Variants in TCF12 observed in about 807,000 individuals in gnomAD.
The protein encoded by TCF12 is DNA-binding protein HTF4.
A neutral mutation model predicts 86.0 loss-of-function variants in TCF12; 45 were observed. The ratio of observed to expected loss-of-function variants is 0.52; its 90% CI spans 0.41 to 0.67. The LOEUF (loss-of-function observed/expected upper bound fraction) is 0.67, where lower values mean the gene tolerates loss of function less well. TCF12 is among the 30% of genes least tolerant of loss of function. The probability of loss-of-function intolerance (pLI) is 0.00; values close to 1 mark genes in which losing one functional copy is unlikely to be tolerated. For synonymous variants in TCF12, 330 were observed against 299.6 expected, an observed-to-expected ratio of 1.10 and a Z score of -1.05; for missense variants, 881 against 859.9, an observed-to-expected ratio of 1.02 and a Z score of -0.31.
At chr15:57,029,808 G>GT (rs55860140) in intron 3 of TCF12, among the ~76,000 whole-genome samples, 66,127 of 151,938 alleles carry the variant, frequency 0.44, 14,639 homozygotes, top group East Asian at 0.59. Flanking sequence ...TGGAGACTGC[G>GT]TATAAATGTA....
At chr15:57,084,117 G>A (rs2048478923) in intron 4 of TCF12, among the ~76,000 whole-genome samples, 1 of 151,992 alleles carries the variant, frequency 6.6e-6, no homozygotes, top group Non-Finnish European at 1.5e-5. Flanking sequence ...TGTACCTTAT[G>A]TTTGATTTAT....
chr15:56,978,001 A>T (rs1228268039), intron 3 of TCF12, among the ~76,000 whole-genome samples: 8 of 152,304 alleles, frequency 5.3e-5, no homozygotes, highest in African/African-American at 1.7e-4. Context: ...CACAATAATT[A>T]AAAAAATTAA....
chr15:57,239,243 C>T (rs1306104173), intron 12 of TCF12, among the ~76,000 whole-genome samples: 2 of 151,906 alleles, frequency 1.3e-5, no homozygotes, highest in African/African-American at 4.8e-5. Flanking sequence ...CCCAGCTAGT[C>T]GGGAGGCTGG....
At chr15:57,231,861 A>C (rs1176875806) in intron 9 of TCF12, among the ~76,000 whole-genome samples, 1 of 152,226 alleles carries the variant, frequency 6.6e-6, no homozygotes, top group Non-Finnish European at 1.5e-5. Context: ...ATTATCAATT[A>C]CTTAGTTTTA....
chr15:57,180,230 C>A (rs1168110277), intron 6 of TCF12, among the ~76,000 whole-genome samples: 3 of 152,160 alleles, frequency 2.0e-5, no homozygotes, highest in African/African-American at 7.2e-5. Context: ...GAGTTGCCCT[C>A]ACCCTTCGAT....
intron 3 of TCF12, among the ~76,000 whole-genome samples, chr15:56,969,949 T>G (rs2062205903): frequency 6.6e-6 from 1 of 152,176 alleles, no homozygotes; most frequent in South Asian, 2.1e-4. Flanking sequence ...GCAACCTAAT[T>G]AATGGTGGCT....
At chr15:56,923,634 G>A (rs1428434923) in intron 3 of TCF12, among the ~76,000 whole-genome samples, 1 of 152,132 alleles carries the variant, frequency 6.6e-6, no homozygotes, top group African/African-American at 2.4e-5. Context: ...TAAAAGGATT[G>A]ACAAAATGGA....
intron 5 of TCF12, among the ~76,000 whole-genome samples, chr15:57,113,377 G>C (rs1178016775): frequency 6.6e-6 from 1 of 152,098 alleles, no homozygotes; most frequent in Admixed American, 6.5e-5. Context: ...AGACATTTGT[G>C]TACACCTCTC....
chr15:57,131,841 A>T (rs188684908), intron 5 of TCF12, among the ~76,000 whole-genome samples: 79 of 152,356 alleles, frequency 5.2e-4, no homozygotes, highest in South Asian at 2.1e-3. Context: ...AAATAGTAAG[A>T]ACCTGAAGTA....
chr15:57,163,080 A>G (rs1262809864), intron 5 of TCF12, among the ~76,000 whole-genome samples: 2 of 152,112 alleles, frequency 1.3e-5, no homozygotes, highest in East Asian at 3.9e-4. Context: ...AGGCTGAGGC[A>G]GGAGAATCAC....
intron 3 of TCF12, among the ~76,000 whole-genome samples, chr15:56,926,044 G>A (rs1412889990): frequency 6.6e-6 from 1 of 152,198 alleles, no homozygotes; most frequent in East Asian, 1.9e-4. Context: ...TGGCGTGGTG[G>A]CTCACGCCTG....
intron 8 of TCF12, among the ~76,000 whole-genome samples, chr15:57,215,012 G>A (rs116313931): frequency 3.3e-5 from 5 of 152,122 alleles, no homozygotes; most frequent in Admixed American, 2.0e-4. Context: ...CTAGTGGATT[G>A]GTTTGAAAAT....
intron 19 of TCF12, among the ~76,000 whole-genome samples, chr15:57,277,731 G>T (rs1268014401): frequency 6.6e-6 from 1 of 151,736 alleles, no homozygotes; most frequent in African/African-American, 2.4e-5. Context: ...GAGCCCAGGA[G>T]ATGACTTGAG....
intron 19 of TCF12, among the ~76,000 whole-genome samples, chr15:57,275,354 G>GTA (rs2061345966): frequency 6.6e-6 from 1 of 150,978 alleles, no homozygotes; most frequent in African/African-American, 2.4e-5. Context: ...GTGTGTGTGT[G>GTA]TGTGTGTGTA....
intron 3 of TCF12, among the ~76,000 whole-genome samples, chr15:56,939,555 A>G (rs1385785195): frequency 6.6e-6 from 1 of 152,232 alleles, no homozygotes; most frequent in Non-Finnish European, 1.5e-5. Flanking sequence ...TATATTAGAC[A>G]GATTATAAAC....
chr15:57,216,032 G>A (rs1162955647), intron 8 of TCF12, among the ~76,000 whole-genome samples: 1 of 152,120 alleles, frequency 6.6e-6, no homozygotes, highest in Non-Finnish European at 1.5e-5. Flanking sequence ...TATATCGTCA[G>A]TAAAGAAGTA....
intron 3 of TCF12, among the ~76,000 whole-genome samples, chr15:57,040,386 G>A (rs2066818671): frequency 6.6e-6 from 1 of 152,178 alleles, no homozygotes; most frequent in Non-Finnish European, 1.5e-5. Context: ...GTCTTCACCA[G>A]TGGATTCAGT....
chr15:57,077,351 G>T lies in TCF12; in HGVS notation c.222+13528G>T, dbSNP rs868501042. Among the ~76,000 whole-genome samples the T allele has an allele frequency of 3.3e-4, 13 of 39,556 alleles. No homozygotes were observed. The South Asian group carries it at 0.013, about 40-fold the overall frequency. 26.0% of individuals were successfully genotyped at this position (39,556 alleles called of 152,430 possible). Reference sequence around the variant, plus strand: ...TATGTGTGTGTGTGTGTGTGTGTGTGTGTGTGTGTGTGTGTGTGTGTGTAT... The same window carrying T: ...TATGTGTGTGTGTGTGTGTGTGTGTTTGTGTGTGTGTGTGTGTGTGTGTAT... On this transcript the variant is annotated intron_variant, in intron 4 of 20. Coordinates refer to ENST00000333725, the MANE Select transcript of TCF12 (RefSeq NM_207037.2).
intron 5 of TCF12, among the ~76,000 whole-genome samples, chr15:57,165,783 G>A (rs2054848251): frequency 6.6e-6 from 1 of 152,048 alleles, no homozygotes; most frequent in Non-Finnish European, 1.5e-5. Flanking sequence ...TGATCCGCCC[G>A]CCTTCGCCTC....
Sources: allele counts gnomAD v4.1 joint callset (sites outside exome capture counted in the v4.1 genomes callset), GRCh38; gene constraint gnomAD v4.1.1; transcripts MANE v1.5; gene names NCBI Gene and HGNC (gene_info 2026-07-23, HGNC 2026-07-21).